LMTK2: variants seen among roughly 807,000 people sequenced by gnomAD.
The protein encoded by LMTK2 is serine/threonine-protein kinase LMTK2.
Under a neutral mutation model 127.5 loss-of-function variants are expected in LMTK2, and 37 were observed. The ratio of observed to expected loss-of-function variants is 0.29; its 90% confidence interval spans 0.22 to 0.38. LMTK2 has a LOEUF of 0.38. Ranked by LOEUF, LMTK2 falls within the 10% of genes least tolerant of loss-of-function variation. The pLI is 1.00. For missense variants in LMTK2, 1,694 were observed against 1,920.3 expected (o/e 0.88, Z 2.20); for synonymous variants, 819 against 810.1 (o/e 1.01, Z -0.19).
intron 7 of LMTK2, among the ~76,000 whole-genome samples, chr7:98,175,310 A>G (rs1015420155): frequency 1.3e-5 from 2 of 152,218 alleles, no homozygotes; most frequent in African/African-American, 4.8e-5. Context: ...AAGATGATGT[A>G]TATGGTAGGA....
At position 98,185,150 on chromosome 7, in the gene LMTK2, T is replaced by C. The variant is rs913945697; in HGVS notation, c.876+15T>C. The C allele has an allele frequency of 4.5e-6, 7 of 1,556,600 alleles. No individual in the cohort carries two copies. In the Admixed American group the frequency reaches 1.0e-4, roughly 22 times the overall value. ...GCAGGTACAAGGTAAGCCAGAGGTT[T>C]AAATGTTTTCAGTCTGATTTAATTT... On this transcript the variant is annotated intron_variant, in intron 8 of 13. Coordinates refer to ENST00000297293, the MANE Select transcript of LMTK2 (RefSeq NM_014916.4).
chr7:98,150,550 C>T (rs1796838723), intron 3 of LMTK2, among the ~76,000 whole-genome samples: 1 of 152,150 alleles, frequency 6.6e-6, no homozygotes, highest in South Asian at 2.1e-4. Flanking sequence ...GAAAGATTTG[C>T]ATGCATGTAT....
chr7:98,116,775 C>CT (rs891445972), intron 1 of LMTK2, among the ~76,000 whole-genome samples: 1 of 152,152 alleles, frequency 6.6e-6, no homozygotes, highest in Admixed American at 6.5e-5. Flanking sequence ...TCTCTAGTGT[C>CT]TTTTTTTCTC....
intron 1 of LMTK2, among the ~76,000 whole-genome samples, chr7:98,135,275 G>C (rs1796581169): frequency 6.6e-6 from 1 of 152,022 alleles, no homozygotes; most frequent in Admixed American, 6.6e-5. Flanking sequence ...TGGTGCATTT[G>C]AACACTTAAT....
At chr7:98,149,940 G>A (rs1796827652) in intron 3 of LMTK2, among the ~76,000 whole-genome samples, 1 of 330 alleles carries the variant, frequency 3.0e-3, no homozygotes, top group Admixed American at 0.17. Flanking sequence ...TCAATAATAA[G>A]AAACAGCCAA....
chr7:98,188,162 C>A (rs1326469583), intron 9 of LMTK2, among the ~76,000 whole-genome samples: 1 of 152,146 alleles, frequency 6.6e-6, no homozygotes, highest in Non-Finnish European at 1.5e-5. Flanking sequence ...CTCTCCCTCC[C>A]CTTCCCTGCC....
chr7:98,143,645 A>G (rs4727387), intron 3 of LMTK2, among the ~76,000 whole-genome samples: 150,827 of 152,298 alleles, frequency 0.99, 74,702 homozygotes, highest in Middle Eastern at 1. Flanking sequence ...GCATGTGGAG[A>G]GCAGCAGGCA....
intron 8 of LMTK2, among the ~76,000 whole-genome samples, chr7:98,185,531 G>A (rs531598995): frequency 1.3e-5 from 2 of 151,972 alleles, no homozygotes; most frequent in Non-Finnish European, 2.9e-5. Context: ...CAGTAACCTG[G>A]GGATCTAGGT....
At position 98,193,904 on chromosome 7, in the gene LMTK2, G is replaced by A. The variant is rs144490979; in HGVS notation, c.3439G>A (p.Ala1147Thr). 2.9e-4 allele frequency: 468 copies of A among 1,614,150 alleles called. No individual in the cohort carries two copies. Among genetic ancestry groups the A allele is most frequent in the Non-Finnish European group, 2.4e-4 (278 of 1,180,038 alleles). ...PEPVLPEQSP[A>T]AQDSCLEARK... ...GCCAGTCCTCCCCGAGCAAAGTCCTGCTGCCCAGGATAGCTGCCTGGAAGC... is the reference window on the plus strand; with the variant it reads ...GCCAGTCCTCCCCGAGCAAAGTCCTACTGCCCAGGATAGCTGCCTGGAAGC... Residue 1147 changes from alanine (A) to threonine (T), a missense_variant, in exon 11 of 14, where the codon GCT becomes ACT. Around this residue, in one of 8 missense-constraint regions of LMTK2, gnomAD observed 554 missense variants for 567.7 expected, o/e 0.98. Coordinates refer to ENST00000297293, the MANE Select transcript of LMTK2 (RefSeq NM_014916.4). The surrounding 1 kb of genome is among the most constrained non-coding windows in gnomAD (Gnocchi z 4.1).
intron 1 of LMTK2, among the ~76,000 whole-genome samples, chr7:98,128,295 G>A (rs1193579949): frequency 1.3e-5 from 2 of 152,190 alleles, no homozygotes; most frequent in African/African-American, 4.8e-5. Context: ...CTGAGGGCGG[G>A]CCGTAGTCCA....
intron 5 of LMTK2, among the ~76,000 whole-genome samples, chr7:98,158,897 A>T (rs1796970815): frequency 6.6e-6 from 1 of 152,134 alleles, no homozygotes; most frequent in Non-Finnish European, 1.5e-5. Flanking sequence ...ATTACTAAAG[A>T]TAAAAATTCT....
Position 98,192,177 on chromosome 7 carries a change from T to C in LMTK2, c.1712T>C (p.Leu571Pro), listed in dbSNP as rs746540213. The change falls in exon 11 of 14, where the codon CTG becomes CCG. Residue 571 changes from leucine (L) to proline (P), a missense_variant. By Grantham distance (98) the Leu-to-Pro change is moderately conservative (BLOSUM62 -3). Around this residue, in one of 8 missense-constraint regions of LMTK2, gnomAD observed 527 missense variants for 539.8 expected, o/e 0.98. Transcript: ENST00000297293. ...SNLELDYPPA[L>P]LTTDMDNPER... ...TTGGAGCTTGATTACCCACCAGCGCTGCTCACAACCGACATGGATAATCCA... is the reference window on the plus strand; with the variant it reads ...TTGGAGCTTGATTACCCACCAGCGCCGCTCACAACCGACATGGATAATCCA... The C allele has an allele frequency of 6.6e-7, 1 of 1,526,354 alleles. No homozygotes were observed. Among genetic ancestry groups the C allele is most frequent in the Non-Finnish European group, 8.8e-7 (1 of 1,140,220 alleles). The allele number at this position is 1,526,354 out of a possible 1,614,324, so 94.6% of individuals were successfully genotyped here.
rs140700825 is a variant in LMTK2 at position 98,193,396 on chromosome 7, C to A, written c.2931C>A (p.Ser977Arg). 1.9e-3 allele frequency: 3,003 copies of A among 1,614,184 alleles called. 14 individuals carry two copies. The highest frequency in any genetic ancestry group is 3.5e-3 in the Middle Eastern group (21 of 6,062). Residue 977 changes from serine (S) to arginine (R), a missense_variant, in exon 11 of 14, where the codon AGC becomes AGA. Transcript: ENST00000297293. The surrounding 1 kb of genome is among the most constrained non-coding windows in gnomAD (Gnocchi z 4.1). ...CCTCGGACTCAACCAGTCAGGACAGCCTCCTGGAGGACAGCTTGTCAGCAC... is the reference window on the plus strand; with the variant it reads ...CCTCGGACTCAACCAGTCAGGACAGACTCCTGGAGGACAGCTTGTCAGCAC... ...ALSSDSTSQDSLLEDSLSAPF... is the reference protein window; with the variant it reads ...ALSSDSTSQDRLLEDSLSAPF...
At chr7:98,169,070 G>T (rs1411144695) in intron 6 of LMTK2, among the ~76,000 whole-genome samples, 1 of 152,066 alleles carries the variant, frequency 6.6e-6, no homozygotes. Flanking sequence ...TCTAATTAAA[G>T]ATTTTATGTT....
chr7:98,170,968 A>T (rs1326201661), intron 6 of LMTK2, among the ~76,000 whole-genome samples: 1 of 152,058 alleles, frequency 6.6e-6, no homozygotes, highest in Non-Finnish European at 1.5e-5. Flanking sequence ...AGTGGCTGAA[A>T]TGTTCTTTCT....
chr7:98,189,682 G>C (rs1797493065), intron 9 of LMTK2, among the ~76,000 whole-genome samples: 1 of 152,176 alleles, frequency 6.6e-6, no homozygotes, highest in African/African-American at 2.4e-5. Flanking sequence ...ACCTCGTGGA[G>C]GAAATGAGAG....
In LMTK2 at chr7:98,193,141, G is replaced by A; in HGVS notation, c.2676G>A (p.Glu892=). The A allele has an allele frequency of 6.2e-7, 1 of 1,613,450 alleles. No homozygotes were observed. Among genetic ancestry groups the A allele is most frequent in the Non-Finnish European group, 8.5e-7 (1 of 1,179,974 alleles). Residue 892 remains glutamate, a synonymous_variant, in exon 11 of 14, where the codon GAG becomes GAA. Coordinates refer to ENST00000297293, the MANE Select transcript of LMTK2 (RefSeq NM_014916.4). This position sits in a 1 kb window ranked among gnomAD's most constrained non-coding sequence, Gnocchi z 4.1. ...RSQDSPGESE[E]TLRLTESDSV... Reference sequence around the variant, plus strand: ...AGGACTCTCCTGGCGAGAGTGAGGAGACCCTGCGACTCACCGAAAGTGACT... The same window carrying A: ...AGGACTCTCCTGGCGAGAGTGAGGAAACCCTGCGACTCACCGAAAGTGACT...
rs149634638 is a variant in LMTK2, at chr7:98,209,120, C to A, written c.*3628C>A. ...AAACATGAGCCTTATGGGAAGTAGC[C>A]TTAAAAAAAGAATGGGTATACGCAG... On this transcript the variant is annotated 3_prime_UTR_variant, in exon 14 of 14. Transcript: ENST00000297293. 1 of 152,202 alleles carries A rather than the reference C, an allele frequency of 6.6e-6. No individual in the cohort carries two copies. The highest frequency in any genetic ancestry group is 1.9e-4 in the East Asian group (1 of 5,176). The allele number at this position is 152,202 out of a possible 1,614,324, so 9.4% of individuals were successfully genotyped here. A position where few individuals can be genotyped will look rare whatever the true frequency, so the allele number is the denominator to read the frequency against.
chr7:98,200,686 A>G (rs1257892023), intron 11 of LMTK2, among the ~76,000 whole-genome samples: 1 of 152,230 alleles, frequency 6.6e-6, no homozygotes, highest in Non-Finnish European at 1.5e-5. Flanking sequence ...AGTGCTTTAT[A>G]TGAAATGGCA....
Sources: gnomAD v4.1 joint callset for allele counts (sites outside exome capture counted in the v4.1 genomes callset) on GRCh38, gnomAD v4.1.1 for gene constraint, gnomAD v4.1.1 regional missense constraint, Gnocchi (gnomAD v3.1) non-coding constraint, MANE v1.5 for transcripts, NCBI Gene and HGNC (gene_info 2026-07-23, HGNC 2026-07-21) for gene names.